The following PPARGC1A variants were observed in gnomAD, a reference collection of about 807,000 sequenced individuals.
The protein encoded by PPARGC1A is peroxisome proliferator-activated receptor gamma coactivator 1-alpha.
Under a neutral mutation model 88.7 loss-of-function variants are expected in PPARGC1A, and 25 were observed. That is an observed-to-expected ratio of 0.28 (90% CI 0.21 to 0.39). The LOEUF (loss-of-function observed/expected upper bound fraction) is 0.39, where lower values mean the gene tolerates loss of function less well. Ranked by LOEUF, PPARGC1A falls within the 10% of genes least tolerant of loss-of-function variation. PPARGC1A has a pLI of 1.00. For synonymous variants in PPARGC1A, 363 were observed against 355.6 expected (o/e 1.02, Z -0.24); for missense variants, 880 against 968.7 (o/e 0.91, Z 1.22).
At chr4:23,953,237 T>G in the PPARGC1A span, among the ~76,000 whole-genome samples, 1 of 152,240 alleles carries the variant, frequency 6.6e-6, no homozygotes, top group South Asian at 2.1e-4. Context: ...AATAATACCC[T>G]TTCAAAGACA....
chr4:24,333,254 A>G, the PPARGC1A span, among the ~76,000 whole-genome samples: 1 of 152,192 alleles, frequency 6.6e-6, no homozygotes, highest in Non-Finnish European at 1.5e-5. Flanking sequence ...AAAAGAAAAA[A>G]AAAAGTGTAA....
the PPARGC1A span, among the ~76,000 whole-genome samples, chr4:24,204,672 T>C: frequency 6.6e-6 from 1 of 152,098 alleles, no homozygotes; most frequent in Non-Finnish European, 1.5e-5. Flanking sequence ...CACCCTTCCT[T>C]TGCGACTCAG....
the PPARGC1A span, among the ~76,000 whole-genome samples, chr4:24,392,695 T>G: frequency 1.3e-5 from 2 of 152,080 alleles, no homozygotes; most frequent in Non-Finnish European, 2.9e-5. Context: ...CCAGATCTTT[T>G]TGTCCTTTCT....
intron 7 of PPARGC1A, among the ~76,000 whole-genome samples, chr4:23,821,763 A>C (rs1723055713): frequency 6.6e-6 from 1 of 151,984 alleles, no homozygotes; most frequent in Non-Finnish European, 1.5e-5. Context: ...CATATCATGC[A>C]TAAGAATCCT....
At chr4:23,806,264 C>G (rs1447918844) in intron 10 of PPARGC1A, among the ~76,000 whole-genome samples, 1 of 152,152 alleles carries the variant, frequency 6.6e-6, no homozygotes, top group Non-Finnish European at 1.5e-5. Context: ...AAATAAAAGG[C>G]ATCCAAATGC....
the PPARGC1A span, among the ~76,000 whole-genome samples, chr4:24,324,146 T>A: frequency 6.6e-6 from 1 of 152,230 alleles, no homozygotes; most frequent in Non-Finnish European, 1.5e-5. Flanking sequence ...CAGGGACGCC[T>A]GCCTTGGTCC....
At chr4:24,264,111 GA>G in the PPARGC1A span, among the ~76,000 whole-genome samples, 1 of 151,318 alleles carries the variant, frequency 6.6e-6, no homozygotes, top group Admixed American at 6.6e-5. Context: ...ATAAAGTATA[GA>G]ATACTTATAT....
chr4:23,827,636 A>G (rs1028261994), intron 5 of PPARGC1A, among the ~76,000 whole-genome samples: 19 of 152,330 alleles, frequency 1.2e-4, no homozygotes, highest in Middle Eastern at 3.4e-3. Context: ...CCAAATCACC[A>G]GGATCTGCCT....
At chr4:24,375,365 G>A in the PPARGC1A span, among the ~76,000 whole-genome samples, 1 of 152,146 alleles carries the variant, frequency 6.6e-6, no homozygotes, top group African/African-American at 2.4e-5. Context: ...ATGACAGACT[G>A]AGTTATAAAT....
At chr4:24,157,323 G>C in the PPARGC1A span, among the ~76,000 whole-genome samples, 1 of 152,014 alleles carries the variant, frequency 6.6e-6, no homozygotes, top group African/African-American at 2.4e-5. Context: ...TCTCTGAATC[G>C]ATCTGCAAAG....
At chr4:24,049,972 C>T in the PPARGC1A span, among the ~76,000 whole-genome samples, 1 of 152,176 alleles carries the variant, frequency 6.6e-6, no homozygotes, top group Non-Finnish European at 1.5e-5. Context: ...CTGTATTCTT[C>T]ATCAGTGTGC....
chr4:24,153,220 C>T, the PPARGC1A span, among the ~76,000 whole-genome samples: 6 of 152,170 alleles, frequency 3.9e-5, no homozygotes, highest in Non-Finnish European at 7.4e-5. Context: ...ACGAGGAATA[C>T]TGGCAAACCA....
At chr4:24,324,324 AC>A in the PPARGC1A span, among the ~76,000 whole-genome samples, 1 of 151,320 alleles carries the variant, frequency 6.6e-6, no homozygotes, top group Non-Finnish European at 1.5e-5. Context: ...GGGGGCAAGA[AC>A]CCCCCAGTCG....
chr4:24,114,678 G>T, the PPARGC1A span, among the ~76,000 whole-genome samples: 3 of 152,148 alleles, frequency 2.0e-5, no homozygotes, highest in African/African-American at 4.8e-5. Context: ...CCTAAATTGG[G>T]CAATTTGTGA....
chr4:24,088,654 A>C, the PPARGC1A span, among the ~76,000 whole-genome samples: 1 of 152,200 alleles, frequency 6.6e-6, no homozygotes, highest in Non-Finnish European at 1.5e-5. Flanking sequence ...TCTGGCATAG[A>C]GTAAGGGTTA....
intron 2 of PPARGC1A, chr4:23,883,360 A>G (rs988553177): frequency 6.6e-6 from 1 of 152,384 alleles, no homozygotes; most frequent in East Asian, 1.9e-4. Flanking sequence ...CGTGCCAACC[A>G]ACACTGAAAG....
chr4:23,995,839 T>C, the PPARGC1A span, among the ~76,000 whole-genome samples: 4 of 152,260 alleles, frequency 2.6e-5, 1 homozygote, highest in South Asian at 8.3e-4. Context: ...AGGAAGGAAA[T>C]GAGCCATATT....
intron 2 of PPARGC1A, among the ~76,000 whole-genome samples, chr4:23,836,367 A>C (rs1003089940): frequency 3.3e-5 from 5 of 152,144 alleles, no homozygotes; most frequent in African/African-American, 1.2e-4. Context: ...CTCCTTACAC[A>C]ATGCAATTCT....
the PPARGC1A span, among the ~76,000 whole-genome samples, chr4:24,001,731 C>A: frequency 1.3e-5 from 2 of 152,166 alleles, no homozygotes; most frequent in South Asian, 4.1e-4. Context: ...TAATCTCCTT[C>A]AGGAGCTTTA....
Sources: gnomAD v4.1 joint callset for allele counts (sites outside exome capture counted in the v4.1 genomes callset) on GRCh38, gnomAD v4.1.1 for gene constraint, MANE v1.5 for transcripts, NCBI Gene and HGNC (gene_info 2026-07-23, HGNC 2026-07-21) for gene names.